Variants in CDKAL1 observed in about 807,000 individuals in gnomAD.
CDKAL1 encodes the protein CDKAL1 threonylcarbamoyladenosine tRNA methylthiotransferase, also known as threonylcarbamoyladenosine tRNA methylthiotransferase.
Under a neutral mutation model 68.2 loss-of-function variants are expected in CDKAL1, and 32 were observed. The ratio of observed to expected loss-of-function variants is 0.47; its 90% confidence interval spans 0.35 to 0.63. CDKAL1 has a LOEUF of 0.63. Ranked by LOEUF, CDKAL1 falls within the 30% of genes least tolerant of loss-of-function variation. CDKAL1 has a pLI of 0.00. For synonymous variants in CDKAL1, 234 were observed against 244.3 expected (o/e 0.96, Z 0.39); for missense variants, 606 against 696.7 (o/e 0.87, Z 1.47).
chr6:20,805,214 T>C (rs1776519517), intron 8 of CDKAL1, among the ~76,000 whole-genome samples: 1 of 152,170 alleles, frequency 6.6e-6, no homozygotes, highest in Admixed American at 6.5e-5. Context: ...CTGATGTGTC[T>C]TTTTCTGTTA....
At chr6:20,749,384 C>T (rs1773813946) in intron 6 of CDKAL1, among the ~76,000 whole-genome samples, 1 of 152,072 alleles carries the variant, frequency 6.6e-6, no homozygotes, top group African/African-American at 2.4e-5. Context: ...TTATTTCAGC[C>T]TCTCAGTCCT....
At chr6:20,718,661 A>C (rs2127841126) in intron 5 of CDKAL1, among the ~76,000 whole-genome samples, 1 of 152,314 alleles carries the variant, frequency 6.6e-6, no homozygotes, top group South Asian at 2.1e-4. Flanking sequence ...AAGCTGGTAG[A>C]AAAAGCTTGA....
At chr6:20,881,028 C>T (rs893198142) in intron 9 of CDKAL1, among the ~76,000 whole-genome samples, 1 of 152,190 alleles carries the variant, frequency 6.6e-6, no homozygotes, top group Non-Finnish European at 1.5e-5. Context: ...TGATCTAATA[C>T]AGTATCCTTC....
At chr6:20,787,146 A>G (rs1314071060) in intron 8 of CDKAL1, among the ~76,000 whole-genome samples, 1 of 152,118 alleles carries the variant, frequency 6.6e-6, no homozygotes, top group Non-Finnish European at 1.5e-5. Flanking sequence ...TATCTTTTAA[A>G]ATTTATCTTG....
At chr6:21,201,055 C>G (rs1582406148) in intron 14 of CDKAL1, 55 bp from the exon 15 acceptor site, 27 of 1,488,372 alleles carry the variant, frequency 1.8e-5, no homozygotes, top group Middle Eastern at 3.5e-4. Flanking sequence ...TGAAACTGTT[C>G]TAAAGTAAAA....
At chr6:21,228,886 A>C (rs1025546107) in intron 15 of CDKAL1, among the ~76,000 whole-genome samples, 1 of 152,170 alleles carries the variant, frequency 6.6e-6, no homozygotes, top group South Asian at 2.1e-4. Flanking sequence ...AATATTACGC[A>C]AAAAGCCACC....
intron 8 of CDKAL1, among the ~76,000 whole-genome samples, chr6:20,793,566 G>C (rs1775987949): frequency 6.6e-6 from 1 of 151,878 alleles, no homozygotes; most frequent in African/African-American, 2.4e-5. Context: ...TTATTTGTCA[G>C]TTATTTATCA....
At chr6:20,989,345 G>C (rs1054167593) in intron 10 of CDKAL1, among the ~76,000 whole-genome samples, 6 of 152,168 alleles carry the variant, frequency 3.9e-5, no homozygotes, top group Non-Finnish European at 5.9e-5. Flanking sequence ...TATTTGCTTA[G>C]CTACATCATT....
Position 21,104,603 on chromosome 6 carries a change from C to T in CDKAL1, c.1237-3798C>T, listed in dbSNP as rs148944268. On this transcript the variant is annotated intron_variant, in intron 12 of 15. Coordinates refer to ENST00000274695, the MANE Select transcript of CDKAL1 (RefSeq NM_017774.3). The stretch of plus-strand genomic sequence containing the variant: ...CCTGTTCTGGATTCCAGAAGATACT[C>T]CACTGGATTGTGTGACTGATCTCAG... Among the ~76,000 whole-genome samples the T allele has an allele frequency of 2.3e-3, 351 of 151,876 alleles. 1 individual carries two copies. The highest frequency in any genetic ancestry group is 7.2e-3 in the African/African-American group (297 of 41,438).
At chr6:20,929,621 G>A (rs1340723687) in intron 9 of CDKAL1, among the ~76,000 whole-genome samples, 1 of 152,104 alleles carries the variant, frequency 6.6e-6, no homozygotes, top group Non-Finnish European at 1.5e-5. Flanking sequence ...AATAGATTTT[G>A]TTGTTGTTGC....
intron 4 of CDKAL1, among the ~76,000 whole-genome samples, chr6:20,568,227 C>T (rs1311376188): frequency 6.6e-6 from 1 of 152,066 alleles, no homozygotes; most frequent in Non-Finnish European, 1.5e-5. Context: ...CCATTTTGCC[C>T]AGGCTCTCCT....
At chr6:20,677,793 ACTGT>A (rs927093886) in intron 5 of CDKAL1, among the ~76,000 whole-genome samples, 1 of 152,180 alleles carries the variant, frequency 6.6e-6, no homozygotes, top group African/African-American at 2.4e-5. Flanking sequence ...TTCTCTGTTT[ACTGT>A]TTTAAATCCT....
intron 5 of CDKAL1, among the ~76,000 whole-genome samples, chr6:20,699,297 A>G (rs1233771436): frequency 6.6e-6 from 1 of 151,954 alleles, no homozygotes; most frequent in African/African-American, 2.4e-5. Flanking sequence ...CATTCTAATC[A>G]TAAGAAAATT....
At chr6:21,097,549 T>C (rs1773378340) in intron 12 of CDKAL1, among the ~76,000 whole-genome samples, 1 of 152,148 alleles carries the variant, frequency 6.6e-6, no homozygotes, top group Non-Finnish European at 1.5e-5. Context: ...AAATCAGTTG[T>C]CTGGCTACAT....
intron 14 of CDKAL1, among the ~76,000 whole-genome samples, chr6:21,200,153 T>C (rs1201602674): frequency 1.3e-5 from 2 of 152,186 alleles, no homozygotes; most frequent in East Asian, 3.8e-4. Context: ...AGTGCTAAAA[T>C]AGAAGTGTAA....
At chr6:20,871,650 GC>G (rs1172097151) in intron 9 of CDKAL1, among the ~76,000 whole-genome samples, 1 of 152,066 alleles carries the variant, frequency 6.6e-6, no homozygotes, top group Admixed American at 6.5e-5. Context: ...GAAGGTTTGT[GC>G]TGTCTTGGCC....
At position 21,231,097 on chromosome 6, in the gene CDKAL1, T is replaced by C. The variant is rs1779958645; in HGVS notation, c.*58T>C. 7 of 1,373,544 alleles carry C rather than the reference T, an allele frequency of 5.1e-6. No individual in the cohort carries two copies. The highest frequency in any genetic ancestry group is 6.0e-6 in the Non-Finnish European group (6 of 997,506). The allele number at this position is 1,373,544 out of a possible 1,614,324, so 85.1% of individuals were successfully genotyped here. A position where few individuals can be genotyped will look rare whatever the true frequency, so the allele number is the denominator to read the frequency against. Reference sequence around the variant, plus strand: ...ATACATTTCTAATTAAAATCTTCAATGAACAGGAAAGCGACATCTCCATTC... The same window carrying C: ...ATACATTTCTAATTAAAATCTTCAACGAACAGGAAAGCGACATCTCCATTC... On this transcript the variant is annotated 3_prime_UTR_variant, in exon 16 of 16. Coordinates refer to ENST00000274695, the MANE Select transcript of CDKAL1 (RefSeq NM_017774.3).
At chr6:20,933,992 A>G (rs1763588180) in intron 9 of CDKAL1, among the ~76,000 whole-genome samples, 1 of 151,268 alleles carries the variant, frequency 6.6e-6, no homozygotes, top group Admixed American at 6.6e-5. Flanking sequence ...AAGGCATTAT[A>G]TATATATGGA....
intron 9 of CDKAL1, among the ~76,000 whole-genome samples, chr6:20,887,314 A>G (rs918985379): frequency 6.6e-6 from 1 of 152,154 alleles, no homozygotes; most frequent in Admixed American, 6.5e-5. Context: ...CAGCAATTCT[A>G]CTCATTTACT....
Sources: allele counts gnomAD v4.1 joint callset (sites outside exome capture counted in the v4.1 genomes callset), GRCh38; gene constraint gnomAD v4.1.1; transcripts MANE v1.5; gene names NCBI Gene and HGNC (gene_info 2026-07-23, HGNC 2026-07-21).